The following BNC2 variants were observed in gnomAD, a reference collection of about 807,000 sequenced individuals.
BNC2 encodes the protein basonuclin zinc finger protein 2, also known as zinc finger protein basonuclin-2.
In BNC2, 20 loss-of-function variants were observed where a neutral mutation model predicts 76.3. The observed-to-expected ratio is 0.26, with a 90% CI of 0.18 to 0.38. The LOEUF is 0.38. BNC2 is among the 10% of genes least tolerant of loss of function. The probability of loss-of-function intolerance (pLI) is 1.00; values close to 1 mark genes in which losing one functional copy is unlikely to be tolerated. For missense variants in BNC2, 1,382 were observed against 1,399.8 expected (o/e 0.99, Z 0.20); for synonymous variants, 582 against 514.8 (o/e 1.13, Z -1.77).
intron 3 of BNC2, among the ~76,000 whole-genome samples, chr9:16,715,445 T>A (rs1056690906): frequency 2.0e-5 from 3 of 152,250 alleles, no homozygotes; most frequent in Non-Finnish European, 2.9e-5. Context: ...AATGAAACTA[T>A]TATCTTCATC....
intron 3 of BNC2, among the ~76,000 whole-genome samples, chr9:16,703,982 G>T (rs986664492): frequency 2.0e-5 from 3 of 152,048 alleles, no homozygotes; most frequent in Non-Finnish European, 2.9e-5. Context: ...AACAAAGAAA[G>T]AATTAAGGTT....
At chr9:16,713,950 C>G (rs958736804) in intron 3 of BNC2, among the ~76,000 whole-genome samples, 4 of 152,000 alleles carry the variant, frequency 2.6e-5, no homozygotes, top group South Asian at 4.2e-4. Context: ...TGGCGTGTAT[C>G]TATATTCCAG....
chr9:16,631,842 G>GA (rs1242184793), intron 3 of BNC2, among the ~76,000 whole-genome samples: 2 of 152,114 alleles, frequency 1.3e-5, no homozygotes, highest in Admixed American at 1.3e-4. Context: ...AACAACTTCA[G>GA]AAAAAAAGAC....
At chr9:16,859,837 T>C (rs1210980646) in intron 1 of BNC2, among the ~76,000 whole-genome samples, 4 of 152,284 alleles carry the variant, frequency 2.6e-5, no homozygotes, top group Non-Finnish European at 5.9e-5. Flanking sequence ...ATGGTTAACA[T>C]GGGCCAGGCA....
At chr9:16,819,471 T>C (rs2135930951) in intron 1 of BNC2, among the ~76,000 whole-genome samples, 1 of 152,292 alleles carries the variant, frequency 6.6e-6, no homozygotes, top group South Asian at 2.1e-4. Context: ...GAGACCAGCC[T>C]GGCCAACATG....
chr9:16,778,832 G>A (rs1187219577), intron 1 of BNC2, among the ~76,000 whole-genome samples: 1 of 152,146 alleles, frequency 6.6e-6, no homozygotes, highest in Non-Finnish European at 1.5e-5. Flanking sequence ...TTAAAGAATA[G>A]GAGGGCAGAG....
At chr9:16,725,726 A>G (rs537037563) in intron 3 of BNC2, among the ~76,000 whole-genome samples, 11 of 152,218 alleles carry the variant, frequency 7.2e-5, no homozygotes, top group African/African-American at 2.7e-4. Context: ...CCACACAGTC[A>G]GACAGCTGGA....
chr9:16,626,709 C>G (rs1821003763), intron 3 of BNC2, among the ~76,000 whole-genome samples: 1 of 152,036 alleles, frequency 6.6e-6, no homozygotes, highest in Non-Finnish European at 1.5e-5. Context: ...ACCCTGTATT[C>G]TCTTTTCTTT....
intron 3 of BNC2, among the ~76,000 whole-genome samples, chr9:16,636,537 A>G (rs897622506): frequency 5.3e-5 from 8 of 152,144 alleles, no homozygotes; most frequent in Non-Finnish European, 1.2e-4. Context: ...TCCTGAGCTC[A>G]TGCGATCCTC....
chr9:16,677,088 T>G (rs1019688247), intron 3 of BNC2, among the ~76,000 whole-genome samples: 1 of 152,222 alleles, frequency 6.6e-6, no homozygotes, highest in African/African-American at 2.4e-5. Context: ...AAAAAAATTC[T>G]GTCTAATTTT....
chr9:16,769,296 G>C (rs1363804846), intron 1 of BNC2, among the ~76,000 whole-genome samples: 2 of 152,314 alleles, frequency 1.3e-5, no homozygotes, highest in South Asian at 2.1e-4. Flanking sequence ...TGTACTGGAA[G>C]TTCTAGCACA....
At chr9:16,665,623 G>C (rs1195046362) in intron 3 of BNC2, among the ~76,000 whole-genome samples, 2 of 152,080 alleles carry the variant, frequency 1.3e-5, no homozygotes, top group African/African-American at 4.8e-5. Context: ...TTTAATATTT[G>C]ACTAGCATCA....
At chr9:16,638,704 T>G (rs934407759) in intron 3 of BNC2, among the ~76,000 whole-genome samples, 3 of 152,102 alleles carry the variant, frequency 2.0e-5, no homozygotes, top group Admixed American at 1.3e-4. Context: ...AAAAAAACCT[T>G]CATCTACGAA....
At position 16,421,410 on chromosome 9, in the gene BNC2, C is replaced by A. The variant is rs1820707679; in HGVS notation, c.2640-1761G>T. 1.4e-5 allele frequency: 8 copies of A among 582,914 alleles called. No individual in the cohort carries two copies. In the South Asian group the frequency reaches 1.6e-4, roughly 11 times the overall value. 36.1% of individuals were successfully genotyped at this position (582,914 alleles called of 1,614,324 possible). On this transcript the variant is annotated intron_variant, in intron 6 of 6. Transcript: ENST00000380672. ...GACATCTGGTTTTGAAAAACTTAAA[C>A]AATAAAATAGGGATTTAAAACGTTC... is the stretch of plus-strand genomic sequence containing the variant.
At chr9:16,590,383 G>C (rs898842055) in intron 3 of BNC2, among the ~76,000 whole-genome samples, 2 of 151,976 alleles carry the variant, frequency 1.3e-5, no homozygotes, top group African/African-American at 4.8e-5. Context: ...AGTAGAGACA[G>C]GGTTTCACCA....
intron 1 of BNC2, among the ~76,000 whole-genome samples, chr9:16,827,149 A>G (rs1818469967): frequency 6.6e-6 from 1 of 152,210 alleles, no homozygotes; most frequent in Admixed American, 6.5e-5. Context: ...GGAGAGGAAA[A>G]CATAATTTTA....
Position 16,504,137 on chromosome 9 carries a change from G to C in BNC2, c.669+48393C>G, listed in dbSNP as rs567835848. ...ACAGCACCCATTTATCTAAGTCATA[G>C]TTTCCTCATCTGCGAAATAAGGATT... is the stretch of plus-strand genomic sequence containing the variant. On this transcript the variant is annotated intron_variant, in intron 5 of 6. Transcript: ENST00000380672. Among the ~76,000 whole-genome samples the C allele has an allele frequency of 9.6e-4, 146 of 152,014 alleles. 1 individual carries two copies. The highest frequency in any genetic ancestry group is 3.3e-3 in the African/African-American group (138 of 41,448).
intron 3 of BNC2, among the ~76,000 whole-genome samples, chr9:16,584,020 C>T (rs1819701455): frequency 6.6e-6 from 1 of 152,182 alleles, no homozygotes; most frequent in Non-Finnish European, 1.5e-5. Flanking sequence ...AGCTCCCGGA[C>T]TACAGTTAAT....
At chr9:16,796,607 GAAGGGAAAGGGAAAGGGAAGGGA>G (rs1817658854) in intron 1 of BNC2, among the ~76,000 whole-genome samples, 1 of 148,440 alleles carries the variant, frequency 6.7e-6, no homozygotes, top group Non-Finnish European at 1.5e-5. Context: ...GAAGGGAAGG[GAAGGGAAAGGGAAAGGGAAGGGA>G]AAGGGAAAGG....
Sources: allele counts gnomAD v4.1 joint callset (sites outside exome capture counted in the v4.1 genomes callset), GRCh38; gene constraint gnomAD v4.1.1; transcripts MANE v1.5; gene names NCBI Gene and HGNC (gene_info 2026-07-23, HGNC 2026-07-21).